The following CNTNAP2 variants were observed in gnomAD, a reference collection of about 807,000 sequenced individuals.
CNTNAP2 encodes the protein contactin associated protein 2, also known as contactin-associated protein-like 2.
Under a neutral mutation model 155.2 loss-of-function variants are expected in CNTNAP2, and 98 were observed. The ratio of observed to expected loss-of-function variants is 0.63; its 90% CI spans 0.54 to 0.75. The LOEUF is 0.75. Among genes scored for constraint, CNTNAP2 ranks in the 30% least tolerant of loss-of-function variants. CNTNAP2 has a pLI of 0.00. For synonymous variants in CNTNAP2, 651 were observed against 631.2 expected, an observed-to-expected ratio of 1.03 and a Z score of -0.47; for missense variants, 1,727 against 1,688.1, an observed-to-expected ratio of 1.02 and a Z score of -0.40.
At chr7:147,658,984 C>T (rs896853462) in intron 13 of CNTNAP2, among the ~76,000 whole-genome samples, 8 of 152,066 alleles carry the variant, frequency 5.3e-5, no homozygotes, top group Non-Finnish European at 1.0e-4. Flanking sequence ...TTCAGGGAGG[C>T]CCCCCTCAAC....
intron 23 of CNTNAP2, among the ~76,000 whole-genome samples, chr7:148,413,402 ATAT>A (rs1424163205): frequency 0.043 from 1,674 of 39,384 alleles, 314 homozygotes; most frequent in East Asian, 0.11. Context: ...CAAAAAAAAA[ATAT>A]ATATATATAT....
intron 1 of CNTNAP2, among the ~76,000 whole-genome samples, chr7:146,668,524 G>C (rs1395232191): frequency 6.6e-6 from 1 of 151,448 alleles, no homozygotes; most frequent in Non-Finnish European, 1.5e-5. Flanking sequence ...GAATGAGTTT[G>C]GAAGAATTCC....
chr7:148,049,565 A>G (rs1358479635), intron 15 of CNTNAP2, among the ~76,000 whole-genome samples: 1 of 152,210 alleles, frequency 6.6e-6, no homozygotes. Flanking sequence ...CGTTTAGTCG[A>G]CAGTGGACCG....
At chr7:146,484,686 G>A (rs1172368360) in intron 1 of CNTNAP2, among the ~76,000 whole-genome samples, 1 of 152,088 alleles carries the variant, frequency 6.6e-6, no homozygotes, top group Non-Finnish European at 1.5e-5. Flanking sequence ...TGCTTTGAAA[G>A]CACACTTGTT....
chr7:146,263,241 G>A (rs1400964440), intron 1 of CNTNAP2, among the ~76,000 whole-genome samples: 1 of 150,028 alleles, frequency 6.7e-6, no homozygotes, highest in African/African-American at 2.5e-5. Context: ...ATCCCTTGAA[G>A]GAAAGGAGGG....
intron 3 of CNTNAP2, among the ~76,000 whole-genome samples, chr7:146,978,226 C>A (rs893602366): frequency 6.6e-6 from 1 of 152,078 alleles, no homozygotes; most frequent in Non-Finnish European, 1.5e-5. Flanking sequence ...AAAATCAAAA[C>A]AGATCTGTTT....
At chr7:146,862,367 CT>C (rs1795119415) in intron 3 of CNTNAP2, among the ~76,000 whole-genome samples, 1 of 152,044 alleles carries the variant, frequency 6.6e-6, no homozygotes, top group South Asian at 2.1e-4. Flanking sequence ...GTTTTGGCAA[CT>C]TTTGGATCAT....
In CNTNAP2 at chr7:147,469,506, A is replaced by ATTTTT. The variant is rs71527812; in HGVS notation, c.1671-16407_1671-16403dup. Among the ~76,000 whole-genome samples, 34 of 79,128 alleles carry ATTTTT rather than the reference A, an allele frequency of 4.3e-4. 3 individuals carry two copies. Among genetic ancestry groups the ATTTTT allele is most frequent in the Admixed American group, 7.0e-4 (4 of 5,730 alleles). The allele number at this position is 79,128 out of a possible 152,430, so 51.9% of individuals were successfully genotyped here. On this transcript the variant is annotated intron_variant, in intron 10 of 23. Transcript: ENST00000361727. ...CAGAGCACCAGGATGTCAGGCTGCA[A>ATTTTT]TTTTTTTTTTTTTTTTTTTTTTTTT... is the stretch of plus-strand genomic sequence containing the variant.
chr7:146,244,112 A>C (rs1241418310), intron 1 of CNTNAP2, among the ~76,000 whole-genome samples: 2 of 152,088 alleles, frequency 1.3e-5, no homozygotes, highest in Non-Finnish European at 2.9e-5. Context: ...GGAATAAGAG[A>C]AGGAGAAAAA....
intron 10 of CNTNAP2, among the ~76,000 whole-genome samples, chr7:147,443,720 C>T (rs10081334): frequency 0.24 from 36,227 of 152,064 alleles, 5,312 homozygotes; most frequent in African/African-American, 0.41. Context: ...GCCTTCCAGA[C>T]ATGGGTAAGT....
At chr7:148,180,665 A>G (rs2972119) in intron 18 of CNTNAP2, among the ~76,000 whole-genome samples, 4,713 of 152,298 alleles carry the variant, frequency 0.031, 239 homozygotes, top group African/African-American at 0.11. Flanking sequence ...TACCATAGAG[A>G]AAGGGTCTAC....
intron 3 of CNTNAP2, among the ~76,000 whole-genome samples, chr7:146,878,111 G>A (rs780719856): frequency 1.3e-5 from 2 of 152,058 alleles, no homozygotes; most frequent in Non-Finnish European, 2.9e-5. Flanking sequence ...TATGATAGCT[G>A]TATCTTGAAT....
intron 1 of CNTNAP2, among the ~76,000 whole-genome samples, chr7:146,625,717 G>T (rs1799407785): frequency 6.6e-6 from 1 of 151,970 alleles, no homozygotes; most frequent in Non-Finnish European, 1.5e-5. Context: ...GCCAACAAAA[G>T]GTTGGTTTTC....
At chr7:147,386,502 C>T (rs927818992) in intron 9 of CNTNAP2, among the ~76,000 whole-genome samples, 6 of 152,236 alleles carry the variant, frequency 3.9e-5, no homozygotes, top group Middle Eastern at 3.4e-3. Flanking sequence ...ATCTGAAGTT[C>T]GAAGTTTCAC....
In CNTNAP2 at chr7:147,687,976, T is replaced by C. The variant is rs570270104; in HGVS notation, c.2098+48670T>C. ...CCATTTTGCAAGGAGGACCTTCTTA[T>C]GTTGGGAAATTTTAATGATTATAAA... On this transcript the variant is annotated intron_variant, in intron 13 of 23. Transcript: ENST00000361727. Among the ~76,000 whole-genome samples the C allele has an allele frequency of 2.6e-5, 4 of 152,286 alleles. No homozygotes were observed. In the East Asian group the frequency reaches 7.7e-4, roughly 29 times the overall value.
At position 148,026,917 on chromosome 7, in the gene CNTNAP2, C is replaced by T. The variant is rs980470467; in HGVS notation, c.2383+48928C>T. On this transcript the variant is annotated intron_variant, in intron 15 of 23. Coordinates refer to ENST00000361727, the MANE Select transcript of CNTNAP2 (RefSeq NM_014141.6). ...CAACCCTTTCTCGTACCATTAATGT[C>T]AAAGCACACCCTCTGAGCAGAGGCA... is the stretch of plus-strand genomic sequence containing the variant. 3.9e-5 allele frequency among the ~76,000 whole-genome samples: 6 copies of T among 152,262 alleles called. No homozygotes were observed. In the South Asian group the frequency reaches 1.2e-3, roughly 32 times the overall value.
intron 2 of CNTNAP2, among the ~76,000 whole-genome samples, chr7:146,806,453 A>G (rs544556267): frequency 6.6e-6 from 1 of 151,844 alleles, no homozygotes; most frequent in Non-Finnish European, 1.5e-5. Context: ...CCAAGATTGC[A>G]CCATTGCACT....
chr7:148,187,629 G>C (rs556253690), intron 18 of CNTNAP2, among the ~76,000 whole-genome samples: 202 of 152,264 alleles, frequency 1.3e-3, no homozygotes, highest in Non-Finnish European at 2.3e-3. Flanking sequence ...GTCAGCTCCA[G>C]CTGTTTCCTT....
intron 3 of CNTNAP2, among the ~76,000 whole-genome samples, chr7:147,017,861 G>T (rs1401591055): frequency 6.6e-5 from 10 of 152,010 alleles, no homozygotes; most frequent in African/African-American, 2.4e-4. Context: ...ATGAAAGATT[G>T]TTGAGATAAG....
Sources: gnomAD v4.1 joint callset for allele counts (sites outside exome capture counted in the v4.1 genomes callset) on GRCh38, gnomAD v4.1.1 for gene constraint, MANE v1.5 for transcripts, NCBI Gene and HGNC (gene_info 2026-07-23, HGNC 2026-07-21) for gene names.